GOLM2: variants seen among roughly 807,000 people sequenced by gnomAD.
The protein encoded by GOLM2 is golgi membrane protein 2, also known as protein GOLM2.
In GOLM2, 26 loss-of-function variants were observed where a neutral mutation model predicts 55.9. The observed-to-expected ratio is 0.47, with a 90% confidence interval of 0.34 to 0.65. The LOEUF is 0.65. GOLM2 is among the 30% of genes least tolerant of loss of function. GOLM2 has a pLI of 0.01. For missense variants in GOLM2, 486 were observed against 531.8 expected, an observed-to-expected ratio of 0.91 and a Z score of 0.85; for synonymous variants, 165 against 194.6, an observed-to-expected ratio of 0.85 and a Z score of 1.27.
intron 9 of GOLM2, among the ~76,000 whole-genome samples, chr15:44,408,283 T>C (rs1378637034): frequency 6.6e-6 from 1 of 152,238 alleles, no homozygotes; most frequent in East Asian, 1.9e-4. Context: ...CATAATCATG[T>C]ACTACTGCTT....
At chr15:44,302,762 A>T (rs564274883) in intron 1 of GOLM2, among the ~76,000 whole-genome samples, 1 of 152,238 alleles carries the variant, frequency 6.6e-6, no homozygotes, top group South Asian at 2.1e-4. Flanking sequence ...AAGTGTTGGG[A>T]TTACAAGCAT....
At chr15:44,315,190 C>T in intron 1 of GOLM2, among the ~76,000 whole-genome samples, 1 of 152,172 alleles carries the variant, frequency 6.6e-6, no homozygotes, top group South Asian at 2.1e-4. Flanking sequence ...AGTTATGTTA[C>T]AGAAGATAGA....
chr15:44,330,681 T>C (rs1191974782), intron 3 of GOLM2, among the ~76,000 whole-genome samples: 2 of 152,012 alleles, frequency 1.3e-5, no homozygotes, highest in African/African-American at 4.8e-5. Context: ...CAGTGAACCA[T>C]AATCATGCCT....
At chr15:44,330,377 G>T (rs1354638453) in intron 3 of GOLM2, among the ~76,000 whole-genome samples, 1 of 151,452 alleles carries the variant, frequency 6.6e-6, no homozygotes, top group Admixed American at 6.6e-5. Context: ...AGCTGGGCCT[G>T]ATGGTGCATG....
At chr15:44,303,274 G>A (rs1180890891) in intron 1 of GOLM2, among the ~76,000 whole-genome samples, 1 of 151,912 alleles carries the variant, frequency 6.6e-6, no homozygotes, top group Non-Finnish European at 1.5e-5. Context: ...ATATGTACTA[G>A]GGCTACCACA....
intron 6 of GOLM2, among the ~76,000 whole-genome samples, chr15:44,344,184 C>T (rs1038062851): frequency 6.6e-6 from 1 of 150,988 alleles, no homozygotes; most frequent in African/African-American, 2.4e-5. Context: ...TGCTTGAGCC[C>T]AGGAGGCGGA....
At chr15:44,314,860 T>C (rs1158535261) in intron 1 of GOLM2, among the ~76,000 whole-genome samples, 1 of 152,140 alleles carries the variant, frequency 6.6e-6, no homozygotes, top group African/African-American at 2.4e-5. Context: ...TGGGGAAAAA[T>C]AACTATGCCC....
intron 1 of GOLM2, among the ~76,000 whole-genome samples, chr15:44,292,147 T>G (rs1317638674): frequency 4.6e-5 from 7 of 151,482 alleles, no homozygotes; most frequent in Non-Finnish European, 7.4e-5. Flanking sequence ...TATCTCTTAT[T>G]GAATGTCAGT....
chr15:44,402,848 T>C (rs2079574376), intron 8 of GOLM2, 39 bp from the exon 9 acceptor site: 1 of 1,603,056 alleles, frequency 6.2e-7, no homozygotes, highest in Non-Finnish European at 8.5e-7. Flanking sequence ...TCTTTTCTTC[T>C]CTCTTTACTC....
intron 4 of GOLM2, among the ~76,000 whole-genome samples, chr15:44,337,338 GGCACCT>G (rs2079064285): frequency 6.6e-6 from 1 of 151,928 alleles, no homozygotes; most frequent in South Asian, 2.1e-4. Context: ...CTCTTGAAGA[GGCACCT>G]GTGTACCAGT....
At chr15:44,351,861 A>G (rs2079167431) in intron 6 of GOLM2, among the ~76,000 whole-genome samples, 1 of 152,202 alleles carries the variant, frequency 6.6e-6, no homozygotes, top group Admixed American at 6.5e-5. Flanking sequence ...AATTAACTTT[A>G]CCAAAGAAAT....
intron 9 of GOLM2, among the ~76,000 whole-genome samples, chr15:44,408,851 C>A (rs1259156996): frequency 6.6e-6 from 1 of 152,170 alleles, no homozygotes; most frequent in African/African-American, 2.4e-5. Flanking sequence ...GTAGTCCCAG[C>A]TACTGGGGAG....
At position 44,380,928 on chromosome 15, in the gene GOLM2, A is replaced by G; in HGVS notation, c.1024A>G (p.Lys342Glu). ...ACCCAGAATTCAAACAGATATACTA[A>G]AGCAGGCTACCAAGGACAGAGTCAG... Reference protein sequence around the residue: ...SEPRIQTDILKQATKDRVSDF... With the variant: ...SEPRIQTDILEQATKDRVSDF... The change falls in exon 8 of 10, where the codon AAG (lysine) becomes GAG (glutamate). Residue 342 changes from lysine (K) to glutamate (E), a missense_variant. By Grantham distance (56) the Lys-to-Glu change is moderately conservative. Transcript: ENST00000299957. 6.3e-7 allele frequency: 1 copy of G among 1,599,802 alleles called. No individual in the cohort carries two copies. The highest frequency in any genetic ancestry group is 8.5e-7 in the Non-Finnish European group (1 of 1,172,934).
At chr15:44,371,994 C>T (rs761980779) in intron 6 of GOLM2, among the ~76,000 whole-genome samples, 3 of 152,096 alleles carry the variant, frequency 2.0e-5, no homozygotes, top group Non-Finnish European at 4.4e-5. Context: ...ATTGATCATG[C>T]AGGGTAAATG....
intron 8 of GOLM2, among the ~76,000 whole-genome samples, chr15:44,397,155 A>C (rs1049049309): frequency 2.6e-5 from 4 of 152,126 alleles, no homozygotes; most frequent in Non-Finnish European, 5.9e-5. Flanking sequence ...GAAATGCCTC[A>C]GAGATGAAGT....
At chr15:44,378,745 T>A (rs2079381750) in intron 6 of GOLM2, among the ~76,000 whole-genome samples, 1 of 152,072 alleles carries the variant, frequency 6.6e-6, no homozygotes, top group South Asian at 2.1e-4. Flanking sequence ...CTGAAGAGAT[T>A]CATTTTATTT....
intron 6 of GOLM2, among the ~76,000 whole-genome samples, chr15:44,366,812 T>G (rs1051854248): frequency 2.6e-5 from 4 of 152,184 alleles, no homozygotes; most frequent in African/African-American, 9.6e-5. Flanking sequence ...CAGTTCACTA[T>G]AATCATGCTA....
At position 44,338,233 on chromosome 15, in the gene GOLM2, G is replaced by T; in HGVS notation, c.722-4G>T. On this transcript the variant is annotated splice_polypyrimidine_tract_variant and splice_region_variant and intron_variant, in intron 5 of 9. Transcript: ENST00000299957. ...AGAATTCTATCTTTTTGTTACTTGGGCAGAACAAATCAAAAGAGGTGGTGA... is the reference window on the plus strand; with the variant it reads ...AGAATTCTATCTTTTTGTTACTTGGTCAGAACAAATCAAAAGAGGTGGTGA... 1.9e-6 allele frequency: 3 copies of T among 1,611,324 alleles called. No individual in the cohort carries two copies. Among genetic ancestry groups the T allele is most frequent in the Non-Finnish European group, 2.5e-6 (3 of 1,178,448 alleles).
chr15:44,299,475 T>TAC (rs2078781600), intron 1 of GOLM2, among the ~76,000 whole-genome samples: 1 of 151,910 alleles, frequency 6.6e-6, no homozygotes, highest in Admixed American at 6.6e-5. Flanking sequence ...GCATTTTTGA[T>TAC]AGAGACAGTG....
Sources: gnomAD v4.1 joint callset for allele counts (sites outside exome capture counted in the v4.1 genomes callset) on GRCh38, gnomAD v4.1.1 for gene constraint, MANE v1.5 for transcripts, NCBI Gene and HGNC (gene_info 2026-07-23, HGNC 2026-07-21) for gene names.